Variants in EGFR observed in about 807,000 individuals in gnomAD.
EGFR encodes epidermal growth factor receptor, also known as avian erythroblastic leukemia viral (v-erb-b) oncogene homolog.
In EGFR, 58 loss-of-function variants were observed where a neutral mutation model predicts 143.0. That is an observed-to-expected ratio of 0.41 (90% CI 0.33 to 0.50). The LOEUF (loss-of-function observed/expected upper bound fraction) is 0.50, where lower values mean the gene tolerates loss of function less well. Among genes scored for constraint, EGFR ranks in the 20% least tolerant of loss-of-function variants. The pLI, the probability that EGFR is intolerant of heterozygous loss-of-function variation, is 0.39. For synonymous variants in EGFR, 613 were observed against 594.4 expected (o/e 1.03, Z -0.45); for missense variants, 1,307 against 1,579.0 (o/e 0.83, Z 2.92).
At chr7:55,195,208 G>C (rs191787211) in intron 22 of EGFR, among the ~76,000 whole-genome samples, 1 of 152,180 alleles carries the variant, frequency 6.6e-6, no homozygotes, top group African/African-American at 2.4e-5. Flanking sequence ...CTATGAGTTG[G>C]GGGCAGGGGA....
At chr7:55,204,457 A>G in intron 27 of EGFR, among the ~76,000 whole-genome samples, 1 of 149,378 alleles carries the variant, frequency 6.7e-6, no homozygotes, top group African/African-American at 2.5e-5. Context: ...ATATACACAC[A>G]ACACACACAA....
intron 1 of EGFR, among the ~76,000 whole-genome samples, chr7:55,029,137 C>T (rs1383014836): frequency 6.6e-5 from 10 of 151,974 alleles, no homozygotes; most frequent in Non-Finnish European, 1.2e-4. Context: ...CCAGCCTAGG[C>T]GACAGAGCAA....
chr7:55,096,547 C>T (rs1039768272), intron 1 of EGFR, among the ~76,000 whole-genome samples: 1 of 152,124 alleles, frequency 6.6e-6, no homozygotes, highest in Non-Finnish European at 1.5e-5. Flanking sequence ...CATTTTACTT[C>T]TAGGAAGACA....
rs773454677 is a variant in EGFR, at chr7:55,205,466, G to A, written c.3482G>A (p.Gly1161Asp). Residue 1161 changes from glycine (G) to aspartate (D), a missense_variant, in exon 28 of 28, where the codon GGC becomes GAC. Gly to Asp is a moderately conservative substitution (Grantham distance 94). Transcript: ENST00000275493. ...AGCCCTGCCCACTGGGCCCAGAAAGGCAGCCACCAAATTAGCCTGGACAAC... is the reference window on the plus strand; with the variant it reads ...AGCCCTGCCCACTGGGCCCAGAAAGACAGCCACCAAATTAGCCTGGACAAC... ...FDSPAHWAQKGSHQISLDNPD... is the reference protein window; with the variant it reads ...FDSPAHWAQKDSHQISLDNPD... 17 of 1,614,166 alleles carry A rather than the reference G, an allele frequency of 1.1e-5. No individual in the cohort carries two copies. Among genetic ancestry groups the A allele is most frequent in the Non-Finnish European group, 1.4e-5 (17 of 1,180,034 alleles).
intron 1 of EGFR, among the ~76,000 whole-genome samples, chr7:55,137,945 A>G (rs1358778625): frequency 6.6e-6 from 1 of 152,208 alleles, no homozygotes; most frequent in Non-Finnish European, 1.5e-5. Flanking sequence ...ACTTAAGATT[A>G]ATCCTCTCAC....
chr7:55,159,090 GCTCCTCCACAAGGTGCA>G (rs1430536492), intron 11 of EGFR, among the ~76,000 whole-genome samples: 7 of 152,156 alleles, frequency 4.6e-5, no homozygotes, highest in African/African-American at 1.7e-4. Flanking sequence ...ATTACAGACA[GCTCCTCCACAAGGTGCA>G]CTCTGGCCTT....
chr7:55,084,655 A>C (rs1277349478), intron 1 of EGFR, among the ~76,000 whole-genome samples: 3 of 152,272 alleles, frequency 2.0e-5, no homozygotes, highest in Non-Finnish European at 4.4e-5. Flanking sequence ...GAATGTTTAC[A>C]AACTGGAATG....
intron 16 of EGFR, 21 bp from the exon 17 acceptor site, chr7:55,172,962 T>C (rs2128952346): frequency 6.2e-7 from 1 of 1,614,172 alleles, no homozygotes; most frequent in South Asian, 1.1e-5. Flanking sequence ...CACCCTTCCT[T>C]GTTCCTCCAC....
At chr7:55,185,834 A>G (rs1426691296) in intron 20 of EGFR, among the ~76,000 whole-genome samples, 1 of 152,182 alleles carries the variant, frequency 6.6e-6, no homozygotes, top group Non-Finnish European at 1.5e-5. Context: ...AGTTCCATCT[A>G]TGAGGTAAAA....
At chr7:55,072,353 G>A (rs1035136589) in intron 1 of EGFR, among the ~76,000 whole-genome samples, 1 of 152,196 alleles carries the variant, frequency 6.6e-6, no homozygotes, top group African/African-American at 2.4e-5. Flanking sequence ...CAGAGTCAGA[G>A]GAATGTGGTG....
At chr7:55,039,649 T>C (rs1487552972) in intron 1 of EGFR, among the ~76,000 whole-genome samples, 6 of 152,122 alleles carry the variant, frequency 3.9e-5, no homozygotes, top group Non-Finnish European at 8.8e-5. Context: ...GGTTCTTTTA[T>C]AAAGGGAGTG....
chr7:55,100,909 T>C lies in EGFR; in HGVS notation c.89-41377T>C, dbSNP rs566420105. On this transcript the variant is annotated intron_variant, in intron 1 of 27. Coordinates refer to ENST00000275493, the MANE Select transcript of EGFR (RefSeq NM_005228.5). ...CATTTTTTTGACAGTTCCAACAATT[T>C]TTCTTTAAACTGTCATAAAAAATTG... Among the ~76,000 whole-genome samples the C allele has an allele frequency of 3.0e-4, 45 of 152,372 alleles. 1 individual carries two copies. The highest frequency in any genetic ancestry group is 1.3e-4 in the Non-Finnish European group (9 of 68,032).
intron 1 of EGFR, among the ~76,000 whole-genome samples, chr7:55,058,113 T>A (rs1020880831): frequency 6.6e-6 from 1 of 152,234 alleles, no homozygotes; most frequent in Non-Finnish European, 1.5e-5. Flanking sequence ...TAAAAACACA[T>A]GGCTGGGCAC....
At position 55,170,360 on chromosome 7, in the gene EGFR, C is replaced by T. The variant is rs749145316; in HGVS notation, c.1881-815C>T. 4 of 1,614,200 alleles carry T rather than the reference C, an allele frequency of 2.5e-6. No individual in the cohort carries two copies. In the South Asian group the frequency reaches 4.4e-5, roughly 18 times the overall value. On this transcript the variant is annotated intron_variant, in intron 15 of 27. Coordinates refer to ENST00000275493, the MANE Select transcript of EGFR (RefSeq NM_005228.5). ...TTATTCTGCCTTTTTAAACTATCATCCTGTAATCAAAGTAATGATGGCAGC... is the reference window on the plus strand; with the variant it reads ...TTATTCTGCCTTTTTAAACTATCATTCTGTAATCAAAGTAATGATGGCAGC...
chr7:55,206,048 C>T lies in EGFR; in HGVS notation c.*431C>T, dbSNP rs1241420062. 2.8e-6 allele frequency: 1 copy of T among 358,424 alleles called. No individual in the cohort carries two copies. Among genetic ancestry groups the T allele is most frequent in the Non-Finnish European group, 5.1e-6 (1 of 194,312 alleles). 22.2% of individuals were successfully genotyped at this position (358,424 alleles called of 1,614,324 possible). On this transcript the variant is annotated 3_prime_UTR_variant, in exon 28 of 28. Coordinates refer to ENST00000275493, the MANE Select transcript of EGFR (RefSeq NM_005228.5). Reference sequence around the variant, plus strand: ...CTACCCTGAGTTCATCCAGGCCCAACTGTGAGCAAGGAGCACAAGCCACAA... The same window carrying T: ...CTACCCTGAGTTCATCCAGGCCCAATTGTGAGCAAGGAGCACAAGCCACAA...
At chr7:55,165,038 T>G (rs892073577) in intron 14 of EGFR, among the ~76,000 whole-genome samples, 23 of 152,170 alleles carry the variant, frequency 1.5e-4, no homozygotes, top group Admixed American at 3.3e-4. Flanking sequence ...GTAGAGAATA[T>G]CATTTCTTTC....
At chr7:55,162,112 C>A (rs1218147805) in intron 13 of EGFR, among the ~76,000 whole-genome samples, 1 of 152,174 alleles carries the variant, frequency 6.6e-6, no homozygotes, top group Non-Finnish European at 1.5e-5. Context: ...TTTAAATATA[C>A]CCACGGACAA....
chr7:55,022,136 C>T (rs936695537), intron 1 of EGFR, among the ~76,000 whole-genome samples: 8 of 152,184 alleles, frequency 5.3e-5, no homozygotes, highest in East Asian at 1.9e-4. Flanking sequence ...GGGTCACCTT[C>T]CATAGAGGCA....
At chr7:55,098,572 G>A (rs550627984) in intron 1 of EGFR, among the ~76,000 whole-genome samples, 50 of 152,162 alleles carry the variant, frequency 3.3e-4, no homozygotes, top group African/African-American at 1.2e-3. Context: ...TGTTTACTAC[G>A]TATGCATAAA....
Sources: allele counts gnomAD v4.1 joint callset (sites outside exome capture counted in the v4.1 genomes callset), GRCh38; gene constraint gnomAD v4.1.1; transcripts MANE v1.5; gene names NCBI Gene and HGNC (gene_info 2026-07-23, HGNC 2026-07-21).